PTCHD4: variants seen among roughly 807,000 people sequenced by gnomAD.
The protein encoded by PTCHD4 is patched domain-containing protein 4.
Under a neutral mutation model 58.1 loss-of-function variants are expected in PTCHD4, and 33 were observed. The ratio of observed to expected loss-of-function variants is 0.57; its 90% CI spans 0.43 to 0.76. The LOEUF (loss-of-function observed/expected upper bound fraction) is 0.76, where lower values mean the gene tolerates loss of function less well. Among genes scored for constraint, PTCHD4 ranks in the 30% least tolerant of loss-of-function variants. The probability of loss-of-function intolerance (pLI) is 0.00; values close to 1 mark genes in which losing one functional copy is unlikely to be tolerated. For synonymous variants in PTCHD4, 478 were observed against 409.6 expected (o/e 1.17, Z -2.02); for missense variants, 1,058 against 1,027.1 (o/e 1.03, Z -0.41).
intron 3 of PTCHD4, among the ~76,000 whole-genome samples, chr6:48,060,123 C>T (rs1764567353): frequency 6.6e-6 from 1 of 152,152 alleles, no homozygotes. Flanking sequence ...CTCCAGTGGC[C>T]AACACATTGC....
chr6:48,002,709 T>C (rs1305386504), intron 4 of PTCHD4, among the ~76,000 whole-genome samples: 1 of 151,900 alleles, frequency 6.6e-6, no homozygotes, highest in Non-Finnish European at 1.5e-5. Flanking sequence ...TGTATATATA[T>C]GTAACAAACC....
At chr6:47,961,700 T>TA (rs1010262947) in intron 4 of PTCHD4, among the ~76,000 whole-genome samples, 11 of 152,006 alleles carry the variant, frequency 7.2e-5, no homozygotes, top group African/African-American at 2.7e-4. Context: ...ACATTTTTTT[T>TA]AAAAAAAGAA....
chr6:47,977,717 ATAAT>A (rs1334645693), intron 4 of PTCHD4, among the ~76,000 whole-genome samples: 8 of 112,046 alleles, frequency 7.1e-5, no homozygotes, highest in East Asian at 2.4e-4. Context: ...TATTTATAAA[ATAAT>A]TAAAGTATTT....
At chr6:48,084,400 A>G (rs992896594) in intron 1 of PTCHD4, among the ~76,000 whole-genome samples, 16 of 152,202 alleles carry the variant, frequency 1.1e-4, no homozygotes, top group Non-Finnish European at 2.1e-4. Flanking sequence ...CACTTTCATC[A>G]TAGTCACAAA....
intron 3 of PTCHD4, among the ~76,000 whole-genome samples, chr6:48,016,413 T>C (rs1762871740): frequency 6.6e-6 from 1 of 151,980 alleles, no homozygotes; most frequent in African/African-American, 2.4e-5. Context: ...CTGTGGAAAA[T>C]GATTTAGGAA....
intron 4 of PTCHD4, among the ~76,000 whole-genome samples, chr6:47,907,987 A>G (rs1329801817): frequency 6.6e-6 from 1 of 152,186 alleles, no homozygotes; most frequent in Non-Finnish European, 1.5e-5. Flanking sequence ...TATATGGGCA[A>G]ACGCTTAGCA....
intron 3 of PTCHD4, among the ~76,000 whole-genome samples, chr6:48,033,242 T>C (rs1763514047): frequency 6.6e-6 from 1 of 152,090 alleles, no homozygotes; most frequent in African/African-American, 2.4e-5. Flanking sequence ...AGCCGGAATA[T>C]TATAATTAAA....
chr6:48,089,472 T>A (rs896466609), intron 1 of PTCHD4, among the ~76,000 whole-genome samples: 15 of 152,354 alleles, frequency 9.8e-5, no homozygotes, highest in African/African-American at 3.6e-4. Context: ...GTTAATGCAT[T>A]TAGTCATATA....
intron 3 of PTCHD4, among the ~76,000 whole-genome samples, chr6:48,015,012 A>G (rs989272291): frequency 7.2e-5 from 11 of 152,288 alleles, no homozygotes; most frequent in Admixed American, 3.3e-4. Context: ...ACTGCCTAGC[A>G]ATGACTCATA....
chr6:48,102,662 G>A (rs1355084143), intron 1 of PTCHD4, among the ~76,000 whole-genome samples: 5 of 152,228 alleles, frequency 3.3e-5, no homozygotes, highest in Admixed American at 3.3e-4. Flanking sequence ...GCAGGGCGAG[G>A]CATCGCCTCA....
chr6:48,006,287 T>C (rs1296120022), intron 4 of PTCHD4, among the ~76,000 whole-genome samples: 5 of 152,324 alleles, frequency 3.3e-5, no homozygotes, highest in African/African-American at 9.6e-5. Context: ...CTTTTAGCAT[T>C]CCAGTTATTT....
At chr6:48,016,874 A>G (rs1762887036) in intron 3 of PTCHD4, among the ~76,000 whole-genome samples, 1 of 152,228 alleles carries the variant, frequency 6.6e-6, no homozygotes, top group Admixed American at 6.5e-5. Context: ...GAGCAAGTAC[A>G]GTATTTGTTC....
chr6:47,885,693 A>G (rs1416874636), intron 4 of PTCHD4, among the ~76,000 whole-genome samples: 1 of 152,242 alleles, frequency 6.6e-6, no homozygotes. Flanking sequence ...AAACAGCTCC[A>G]GCCTTCCTTT....
chr6:47,981,726 A>T (rs1343608030), intron 4 of PTCHD4, among the ~76,000 whole-genome samples: 2 of 151,904 alleles, frequency 1.3e-5, no homozygotes, highest in East Asian at 3.9e-4. Flanking sequence ...CAGTCTTAAA[A>T]TCTCCCTCAC....
At chr6:48,097,388 T>C (rs1582135751) in intron 1 of PTCHD4, among the ~76,000 whole-genome samples, 1 of 152,256 alleles carries the variant, frequency 6.6e-6, no homozygotes, top group East Asian at 1.9e-4. Context: ...CATTATCCCA[T>C]CTGAAAGACA....
chr6:47,980,349 G>T (rs1324362741), intron 4 of PTCHD4, among the ~76,000 whole-genome samples: 1 of 151,272 alleles, frequency 6.6e-6, no homozygotes, highest in African/African-American at 2.4e-5. Flanking sequence ...GTTGTACTTG[G>T]ATAGTTTCAC....
At chr6:47,932,601 A>G (rs974219721) in intron 4 of PTCHD4, among the ~76,000 whole-genome samples, 147 of 152,258 alleles carry the variant, frequency 9.7e-4, no homozygotes, top group Admixed American at 8.5e-3. Flanking sequence ...GATGAGTTTT[A>G]TCAGGCTACA....
chr6:47,959,892 G>A (rs1446243003), intron 4 of PTCHD4, among the ~76,000 whole-genome samples: 1 of 150,568 alleles, frequency 6.6e-6, no homozygotes. Flanking sequence ...TGAAAATATC[G>A]TTCTTTAAAT....
chr6:48,024,691 G>A (rs1010027066), intron 3 of PTCHD4, among the ~76,000 whole-genome samples: 3 of 152,174 alleles, frequency 2.0e-5, no homozygotes, highest in African/African-American at 7.2e-5. Context: ...AACAGATGGG[G>A]CTTCTGGATG....
Sources: gnomAD v4.1 joint callset for allele counts (sites outside exome capture counted in the v4.1 genomes callset) on GRCh38, gnomAD v4.1.1 for gene constraint, MANE v1.5 for transcripts, NCBI Gene and HGNC (gene_info 2026-07-23, HGNC 2026-07-21) for gene names.